Variants in DLGAP2 observed in about 807,000 individuals in gnomAD.
DLGAP2 encodes disks large-associated protein 2.
In DLGAP2, 26 loss-of-function variants were observed where a neutral mutation model predicts 100.3. The ratio of observed to expected loss-of-function variants is 0.26; its 90% CI spans 0.19 to 0.36. The LOEUF (loss-of-function observed/expected upper bound fraction) is 0.36. DLGAP2 is among the 10% of genes least tolerant of loss of function. DLGAP2 has a pLI of 1.00. For synonymous variants in DLGAP2, 886 were observed against 630.1 expected, an observed-to-expected ratio of 1.41 and a Z score of -6.08; for missense variants, 1,858 against 1,453.2, an observed-to-expected ratio of 1.28 and a Z score of -4.53.
At chr8:1,195,064 C>A (rs1797722115) in intron 2 of DLGAP2, among the ~76,000 whole-genome samples, 1 of 152,262 alleles carries the variant, frequency 6.6e-6, no homozygotes, top group African/African-American at 2.4e-5. Context: ...TCCGCCCCAG[C>A]ATGAGTGCTC....
At chr8:1,027,103 G>GTT (rs545029112) in intron 2 of DLGAP2, among the ~76,000 whole-genome samples, 1 of 151,310 alleles carries the variant, frequency 6.6e-6, no homozygotes, top group South Asian at 2.1e-4. Context: ...TTAGGGAAGG[G>GTT]TTTTTTTTTA....
At position 1,289,789 on chromosome 8, in the gene DLGAP2, C is replaced by G. The variant is rs189905652; in HGVS notation, c.106+30906C>G. ...GCAGGAATTGCTCTGCTGCGGACCACAGATGAGGAGGAGGAGAACCTGCTC... is the reference window on the plus strand; with the variant it reads ...GCAGGAATTGCTCTGCTGCGGACCAGAGATGAGGAGGAGGAGAACCTGCTC... On this transcript the variant is annotated intron_variant, in intron 3 of 14. Coordinates refer to ENST00000637795, the MANE Select transcript of DLGAP2 (RefSeq NM_001346810.2). Among the ~76,000 whole-genome samples the G allele has an allele frequency of 7.3e-4, 111 of 152,314 alleles. 2 individuals are homozygous for G. The highest frequency in any genetic ancestry group is 6.8e-3 in the Middle Eastern group (2 of 294).
intron 2 of DLGAP2, among the ~76,000 whole-genome samples, chr8:963,246 A>T (rs1799769404): frequency 6.6e-6 from 1 of 152,112 alleles, no homozygotes; most frequent in Non-Finnish European, 1.5e-5. Flanking sequence ...CCACGACCCC[A>T]TTTGGAAACA....
intron 2 of DLGAP2, among the ~76,000 whole-genome samples, chr8:1,241,364 C>G (rs143832583): frequency 6.8e-6 from 1 of 145,992 alleles, no homozygotes; most frequent in African/African-American, 2.8e-5. Flanking sequence ...GTGTCTAGTT[C>G]TCTCACATGG....
chr8:1,445,160 C>T (rs1446966258), intron 3 of DLGAP2, among the ~76,000 whole-genome samples: 1 of 149,844 alleles, frequency 6.7e-6, no homozygotes, highest in South Asian at 2.1e-4. Context: ...TACATGTATA[C>T]ATGTGCCATG....
At chr8:1,443,671 G>C (rs1298704013) in intron 3 of DLGAP2, among the ~76,000 whole-genome samples, 1 of 152,230 alleles carries the variant, frequency 6.6e-6, no homozygotes, top group African/African-American at 2.4e-5. Context: ...TGGCAGAGAA[G>C]ACGGCTTGTG....
chr8:1,641,288 G>A (rs1797892827), intron 8 of DLGAP2, among the ~76,000 whole-genome samples: 1 of 152,180 alleles, frequency 6.6e-6, no homozygotes, highest in South Asian at 2.1e-4. Context: ...AATTGCTCGG[G>A]TGAGAACAAA....
intron 2 of DLGAP2, among the ~76,000 whole-genome samples, chr8:1,060,951 A>G (rs79124707): frequency 1.2e-3 from 177 of 152,316 alleles, no homozygotes; most frequent in African/African-American, 4.0e-3. Context: ...CCAGCCTTCA[A>G]TGTGTTGATA....
chr8:1,285,821 G>T (rs6558436), intron 3 of DLGAP2, among the ~76,000 whole-genome samples: 18,808 of 152,090 alleles, frequency 0.12, 1,474 homozygotes, highest in East Asian at 0.24. Flanking sequence ...ATTTAAAAAT[G>T]AGCTGGGCGT....
At chr8:1,305,135 A>T (rs976266166) in intron 3 of DLGAP2, among the ~76,000 whole-genome samples, 1 of 152,212 alleles carries the variant, frequency 6.6e-6, no homozygotes, top group African/African-American at 2.4e-5. Flanking sequence ...TGGGTAAAAA[A>T]GCTTGCTCTG....
intron 3 of DLGAP2, among the ~76,000 whole-genome samples, chr8:1,461,207 T>A (rs1261401979): frequency 7.3e-6 from 1 of 136,820 alleles, no homozygotes; most frequent in East Asian, 2.4e-4. Context: ...CAGTCGCTGA[T>A]TCGGTGGCCA....
intron 3 of DLGAP2, among the ~76,000 whole-genome samples, chr8:1,446,928 T>C (rs951929941): frequency 3.3e-5 from 5 of 152,232 alleles, no homozygotes; most frequent in Admixed American, 6.5e-5. Flanking sequence ...CTTGTGATTT[T>C]TGTACATTGA....
At chr8:1,008,218 G>C (rs1801177196) in intron 2 of DLGAP2, among the ~76,000 whole-genome samples, 1 of 152,210 alleles carries the variant, frequency 6.6e-6, no homozygotes. Context: ...AATGTCAGTA[G>C]TTATTACGTA....
intron 6 of DLGAP2, chr8:1,620,283 G>A (rs1169093361): frequency 6.6e-6 from 1 of 152,074 alleles, no homozygotes; most frequent in Non-Finnish European, 1.5e-5. Flanking sequence ...TCCGGGGCCG[G>A]GCTCCTCCTG....
At chr8:1,634,363 C>T (rs1797720316) in intron 8 of DLGAP2, among the ~76,000 whole-genome samples, 8 of 152,220 alleles carry the variant, frequency 5.3e-5, no homozygotes. Context: ...TGGCTCCCAG[C>T]AGGGCTTTCT....
chr8:1,579,523 TGA>T (rs1584949624), intron 6 of DLGAP2, among the ~76,000 whole-genome samples: 2 of 147,974 alleles, frequency 1.4e-5, no homozygotes, highest in Non-Finnish European at 3.0e-5. Context: ...AATAAAAACC[TGA>T]GAGTTTTTCA....
Position 1,549,335 on chromosome 8 carries a change from C to T in DLGAP2, c.882C>T (p.Ser294=), listed in dbSNP as rs772195565. 1.7e-5 allele frequency: 28 copies of T among 1,613,164 alleles called. No individual in the cohort carries two copies. The highest frequency in any genetic ancestry group is 2.4e-5 in the Non-Finnish European group (28 of 1,179,750). Residue 294 remains serine, a synonymous_variant, in exon 5 of 15, where the codon AGC becomes AGT. Coordinates refer to ENST00000637795, the MANE Select transcript of DLGAP2 (RefSeq NM_001346810.2). The part of the protein sequence containing the change: ...KPEGKPRPGM[S]SWWSSDDNLD... ...AGGGCAAGCCCCGGCCCGGCATGAG[C>T]AGCTGGTGGAGCTCGGACGACAACC...
intron 3 of DLGAP2, among the ~76,000 whole-genome samples, chr8:1,385,987 T>A: frequency 6.6e-6 from 1 of 152,280 alleles, no homozygotes; most frequent in East Asian, 1.9e-4. Flanking sequence ...ATCTGAAGAT[T>A]GGAGCAATTC....
intron 3 of DLGAP2, among the ~76,000 whole-genome samples, chr8:1,431,143 AAC>A (rs1255478671): frequency 2.0e-5 from 3 of 152,252 alleles, no homozygotes; most frequent in Non-Finnish European, 4.4e-5. Flanking sequence ...AGAGAACAGA[AAC>A]ACATGCGATT....
Sources: gnomAD v4.1 joint callset for allele counts (sites outside exome capture counted in the v4.1 genomes callset) on GRCh38, gnomAD v4.1.1 for gene constraint, MANE v1.5 for transcripts, NCBI Gene and HGNC (gene_info 2026-07-23, HGNC 2026-07-21) for gene names.